Variants in UBE2E2 observed in about 807,000 individuals in gnomAD.
UBE2E2 encodes the protein ubiquitin conjugating enzyme E2 E2.
Under a neutral mutation model 24.7 loss-of-function variants are expected in UBE2E2, and 6 were observed. That is an observed-to-expected ratio of 0.24 (90% CI 0.13 to 0.48). The LOEUF is 0.48. Ranked by LOEUF, UBE2E2 falls within the 20% of genes least tolerant of loss-of-function variation. The pLI is 0.99. For missense variants in UBE2E2, 169 were observed against 245.0 expected (o/e 0.69, Z 2.07); for synonymous variants, 104 against 83.6 (o/e 1.24, Z -1.33).
intron 5 of UBE2E2, among the ~76,000 whole-genome samples, chr3:23,548,212 T>C (rs151245879): frequency 2.6e-5 from 4 of 152,320 alleles, no homozygotes; most frequent in African/African-American, 4.8e-5. Flanking sequence ...ACAGAAATTA[T>C]AACCTACACC....
intron 3 of UBE2E2, among the ~76,000 whole-genome samples, chr3:23,271,945 A>G (rs1211992161): frequency 6.6e-6 from 1 of 152,164 alleles, no homozygotes. Context: ...TCGTCACCTG[A>G]CTCAGGAGCC....
chr3:23,259,125 G>A (rs569270473), intron 3 of UBE2E2, among the ~76,000 whole-genome samples: 102 of 152,218 alleles, frequency 6.7e-4, no homozygotes, highest in Non-Finnish European at 8.5e-4. Flanking sequence ...GTATGGAAAA[G>A]TGTGGAACAG....
intron 5 of UBE2E2, among the ~76,000 whole-genome samples, chr3:23,574,963 T>C (rs1411019598): frequency 6.6e-6 from 1 of 152,176 alleles, no homozygotes; most frequent in African/African-American, 2.4e-5. Flanking sequence ...AGCACCTACA[T>C]GACTCTCAAA....
intron 3 of UBE2E2, among the ~76,000 whole-genome samples, chr3:23,265,285 C>T (rs758072228): frequency 1.2e-4 from 18 of 152,078 alleles, no homozygotes; most frequent in Non-Finnish European, 2.4e-4. Context: ...TTGAGGGTGG[C>T]AAGTGGATCA....
chr3:23,345,951 C>G (rs146170056), intron 3 of UBE2E2, among the ~76,000 whole-genome samples: 65 of 152,242 alleles, frequency 4.3e-4, no homozygotes, highest in Non-Finnish European at 9.4e-4. Flanking sequence ...ATCTCACCAA[C>G]GGCAGACAGC....
In UBE2E2 at chr3:23,280,109, A is replaced by G. The variant is rs547406238; in HGVS notation, c.227+62797A>G. Among the ~76,000 whole-genome samples, 1 of 152,230 alleles carries G rather than the reference A, an allele frequency of 6.6e-6. No individual in the cohort carries two copies. On this transcript the variant is annotated intron_variant, in intron 3 of 5. Transcript: ENST00000396703. This position sits in a 1 kb window ranked among gnomAD's most constrained non-coding sequence, Gnocchi z 4.3. Reference sequence around the variant, plus strand: ...TACCACGGTAAGGTTCAAATTACTGATATCACATTCTTTTTTGAGGAAGCT... The same window carrying G: ...TACCACGGTAAGGTTCAAATTACTGGTATCACATTCTTTTTTGAGGAAGCT...
At chr3:23,559,150 A>G (rs561183758) in intron 5 of UBE2E2, among the ~76,000 whole-genome samples, 1 of 152,310 alleles carries the variant, frequency 6.6e-6, no homozygotes, top group South Asian at 2.1e-4. Context: ...TAAGCACTGA[A>G]GCTTTATTCT....
In UBE2E2 at chr3:23,506,833, A is replaced by G. The variant is rs572961989; in HGVS notation, c.360+7093A>G. Among the ~76,000 whole-genome samples the G allele has an allele frequency of 5.9e-5, 9 of 152,168 alleles. No homozygotes were observed. The East Asian group carries it at 1.5e-3, about 26-fold the overall frequency. On this transcript the variant is annotated intron_variant, in intron 4 of 5. Coordinates refer to ENST00000396703, the MANE Select transcript of UBE2E2 (RefSeq NM_152653.4). Reference sequence around the variant, plus strand: ...TTTTTGATAGAAATGGGGTTTCGCCATGTTGCCCAGGCTGATCTCGAACTC... The same window carrying G: ...TTTTTGATAGAAATGGGGTTTCGCCGTGTTGCCCAGGCTGATCTCGAACTC...
chr3:23,399,177 G>A (rs1240110058), intron 3 of UBE2E2, among the ~76,000 whole-genome samples: 13 of 152,084 alleles, frequency 8.5e-5, no homozygotes, highest in African/African-American at 2.7e-4. Context: ...TAACCTCAGC[G>A]TAGGATTTTT....
At chr3:23,316,402 G>T (rs1293614753) in intron 3 of UBE2E2, among the ~76,000 whole-genome samples, 1 of 151,666 alleles carries the variant, frequency 6.6e-6, no homozygotes, top group African/African-American at 2.4e-5. Context: ...GTCACCACAG[G>T]CCCACAGGGA....
chr3:23,389,754 T>A, intron 3 of UBE2E2: 1 of 178,094 alleles, frequency 5.6e-6, no homozygotes, highest in Non-Finnish European at 1.2e-5. Context: ...TCTGTGCTTC[T>A]TCCCCGATAG....
At position 23,589,912 on chromosome 3, in the gene UBE2E2, C is replaced by A. The variant is rs952932253; in HGVS notation, c.*81C>A. ...CGGTAGCCCTGCCCACCCCTCCAGA[C>A]CTCGGTTCTTATTTTCCTATTTTTA... is the stretch of plus-strand genomic sequence containing the variant. On this transcript the variant is annotated 3_prime_UTR_variant, in exon 6 of 6. Transcript: ENST00000396703. This position sits in a 1 kb window ranked among gnomAD's most constrained non-coding sequence, Gnocchi z 4.1. The A allele has an allele frequency of 6.0e-6, 8 of 1,324,884 alleles. No individual in the cohort carries two copies. In the Admixed American group the frequency reaches 1.2e-4, roughly 19 times the overall value. 82.1% of individuals were successfully genotyped at this position (1,324,884 alleles called of 1,614,324 possible). A position where few individuals can be genotyped will look rare whatever the true frequency, so the allele number is the denominator to read the frequency against.
chr3:23,314,541 C>A (rs1413393043), intron 3 of UBE2E2, among the ~76,000 whole-genome samples: 4 of 152,144 alleles, frequency 2.6e-5, no homozygotes, highest in Non-Finnish European at 5.9e-5. Context: ...CTTACTATTA[C>A]CAGTGAGTTT....
At chr3:23,313,391 T>TTTC in intron 3 of UBE2E2, among the ~76,000 whole-genome samples, 1 of 147,016 alleles carries the variant, frequency 6.8e-6, no homozygotes, top group Admixed American at 6.7e-5. Flanking sequence ...TGGGTCTTTT[T>TTTC]TTTTTTTTTT....
chr3:23,535,932 T>G (rs1233876953), intron 5 of UBE2E2, among the ~76,000 whole-genome samples: 1 of 152,182 alleles, frequency 6.6e-6, no homozygotes, highest in African/African-American at 2.4e-5. Context: ...GCATTCTTAT[T>G]TGTTAGACGT....
intron 3 of UBE2E2, among the ~76,000 whole-genome samples, chr3:23,349,588 G>A (rs1028226711): frequency 2.6e-5 from 4 of 152,186 alleles, no homozygotes; most frequent in Admixed American, 1.3e-4. Context: ...TATATCCCAC[G>A]CAAGGCTCGG....
At chr3:23,469,080 C>A (rs931333660) in intron 3 of UBE2E2, among the ~76,000 whole-genome samples, 1 of 152,120 alleles carries the variant, frequency 6.6e-6, no homozygotes, top group African/African-American at 2.4e-5. Context: ...AGTTACCTCT[C>A]ACAGTTTTGG....
chr3:23,351,080 T>C (rs1160528488), intron 3 of UBE2E2, among the ~76,000 whole-genome samples: 6 of 152,186 alleles, frequency 3.9e-5, no homozygotes, highest in African/African-American at 1.4e-4. Flanking sequence ...GGGACAAATA[T>C]TCAACATTCC....
chr3:23,381,709 A>T (rs1696675606), intron 3 of UBE2E2, among the ~76,000 whole-genome samples: 1 of 152,258 alleles, frequency 6.6e-6, no homozygotes, highest in South Asian at 2.1e-4. Context: ...GTAACTGCTG[A>T]TAACTTTTTC....
Sources: allele counts gnomAD v4.1 joint callset (sites outside exome capture counted in the v4.1 genomes callset), GRCh38; gene constraint gnomAD v4.1.1; non-coding constraint Gnocchi (gnomAD v3.1); transcripts MANE v1.5; gene names NCBI Gene and HGNC (gene_info 2026-07-23, HGNC 2026-07-21).